Variants in OTOGL observed in about 807,000 individuals in gnomAD.
OTOGL encodes otogelin like, also known as otogelin-like protein.
A neutral mutation model predicts 318.5 loss-of-function variants in OTOGL; 285 were observed. The ratio of observed to expected loss-of-function variants is 0.89; its 90% CI spans 0.81 to 0.99. The LOEUF (loss-of-function observed/expected upper bound fraction) is 0.99. Ranked by LOEUF, OTOGL falls within the 50% of genes least tolerant of loss-of-function variation. OTOGL has a pLI of 0.00. For missense variants in OTOGL, 2,899 were observed against 2,845.6 expected (o/e 1.02, Z -0.43); for synonymous variants, 987 against 936.5 (o/e 1.05, Z -0.99).
intron 34 of OTOGL, among the ~76,000 whole-genome samples, chr12:80,322,047 T>C (rs1250014822): frequency 6.6e-6 from 1 of 152,182 alleles, no homozygotes; most frequent in African/African-American, 2.4e-5. Context: ...GACATCCTGT[T>C]GGGAATGGCA....
At chr12:80,191,096 T>C (rs1396201233) in intron 1 of OTOGL, among the ~76,000 whole-genome samples, 1 of 152,182 alleles carries the variant, frequency 6.6e-6, no homozygotes, top group Non-Finnish European at 1.5e-5. Flanking sequence ...AGATCAAACC[T>C]GGCCATATGA....
chr12:80,125,291 A>G (rs1180475018), intron 1 of OTOGL, among the ~76,000 whole-genome samples: 2 of 152,204 alleles, frequency 1.3e-5, no homozygotes, highest in Admixed American at 1.3e-4. Flanking sequence ...ATCTATTGAG[A>G]TAATCATGTG....
intron 48 of OTOGL, 121 bp from the exon 49 acceptor site, chr12:80,356,686 A>G (rs1889924521): frequency 3.2e-6 from 2 of 634,738 alleles, no homozygotes; most frequent in African/African-American, 1.9e-5. Context: ...ATATATGTAT[A>G]TATATATATG....
chr12:80,224,401 CT>C (rs977853970), intron 7 of OTOGL, among the ~76,000 whole-genome samples: 1 of 151,744 alleles, frequency 6.6e-6, no homozygotes, highest in South Asian at 2.1e-4. Flanking sequence ...GGCTATGTGG[CT>C]TTTTTGGTTC....
At chr12:80,280,810 T>G (rs1357303619) in intron 26 of OTOGL, among the ~76,000 whole-genome samples, 4 of 151,970 alleles carry the variant, frequency 2.6e-5, no homozygotes, top group African/African-American at 9.7e-5. Flanking sequence ...ACAATATCGA[T>G]TCTTCCTACT....
intron 36 of OTOGL, 111 bp from the exon 37 acceptor site, chr12:80,328,939 GC>G (rs1887887943): frequency 2.2e-5 from 24 of 1,106,178 alleles, no homozygotes; most frequent in Non-Finnish European, 3.1e-5. Context: ...CATCTCTCCT[GC>G]ATTCTTTTTC....
intron 1 of OTOGL, among the ~76,000 whole-genome samples, chr12:80,144,180 G>A (rs1383195845): frequency 1.3e-5 from 2 of 151,912 alleles, no homozygotes; most frequent in African/African-American, 4.8e-5. Flanking sequence ...AGCATTAGGT[G>A]TATCTCCCAA....
At position 80,219,843 on chromosome 12, in the gene OTOGL, G is replaced by A; in HGVS notation, c.265G>A (p.Ala89Thr). The change falls in exon 6 of 59, where the codon GCT (alanine) becomes ACT (threonine). Residue 89 changes from alanine (A) to threonine (T), a missense_variant. Ala to Thr is a moderately conservative substitution (Grantham distance 58). Around this residue, in one of 3 missense-constraint regions of OTOGL, gnomAD observed 2,607 missense variants for 2,524.9 expected, o/e 1.03. Coordinates refer to ENST00000547103, the MANE Select transcript of OTOGL (RefSeq NM_001378609.3). ...GSCPYECLNG[A>T]FCSKTGTCDC... is the part of the protein sequence containing the mutation. ...TTGTCCTTATGAATGCCTTAATGGA[G>A]CTTTCTGTTCTAAGACTGGAACATG... 1.3e-6 allele frequency: 2 copies of A among 1,591,422 alleles called. No homozygotes were observed. Among genetic ancestry groups the A allele is most frequent in the Non-Finnish European group, 1.7e-6 (2 of 1,174,508 alleles).
At chr12:80,358,427 T>TA in intron 50 of OTOGL, 78 bp downstream of exon 50, 1 of 1,180,366 alleles carries the variant, frequency 8.5e-7, no homozygotes, top group Non-Finnish European at 1.2e-6. Flanking sequence ...AGTTGGCTGT[T>TA]ACATCAGACC....
chr12:80,364,369 T>C (rs1040407130), intron 52 of OTOGL, among the ~76,000 whole-genome samples: 1 of 152,176 alleles, frequency 6.6e-6, no homozygotes, highest in African/African-American at 2.4e-5. Flanking sequence ...ACCTGAAAAA[T>C]GTATGTTAGG....
intron 11 of OTOGL, among the ~76,000 whole-genome samples, chr12:80,249,477 G>A (rs903765292): frequency 5.9e-5 from 9 of 151,332 alleles, no homozygotes; most frequent in Non-Finnish European, 7.4e-5. Flanking sequence ...TAGGCTGCTC[G>A]GGGGTCAGGG....
chr12:80,128,636 A>T (rs1353305264), intron 1 of OTOGL, among the ~76,000 whole-genome samples: 2 of 152,168 alleles, frequency 1.3e-5, no homozygotes, highest in Non-Finnish European at 2.9e-5. Context: ...CTGCCCACAG[A>T]GGTGGAGTCT....
chr12:80,353,538 T>A (rs369948420), intron 46 of OTOGL, 28 bp downstream of exon 46: 2 of 1,417,468 alleles, frequency 1.4e-6, no homozygotes, highest in African/African-American at 2.9e-5. Context: ...AAATGACTTC[T>A]CAGGAATCCG....
Position 80,341,943 on chromosome 12 carries a change from T to C in OTOGL, c.5051-5T>C. The C allele has an allele frequency of 6.3e-7, 1 of 1,586,296 alleles. No homozygotes were observed. Among genetic ancestry groups the C allele is most frequent in the East Asian group, 2.2e-5 (1 of 44,460 alleles). On this transcript the variant is annotated splice_region_variant and splice_polypyrimidine_tract_variant and intron_variant, in intron 43 of 58. Coordinates refer to ENST00000547103, the MANE Select transcript of OTOGL (RefSeq NM_001378609.3). ...TTTCTTCTAACTGTCATATATTCTTTCAAGGAATTTGCAATGAAGATCCGG... is the reference window on the plus strand; with the variant it reads ...TTTCTTCTAACTGTCATATATTCTTCCAAGGAATTTGCAATGAAGATCCGG...
chr12:80,157,101 T>G (rs140643808), intron 1 of OTOGL, among the ~76,000 whole-genome samples: 150 of 152,242 alleles, frequency 9.9e-4, no homozygotes, highest in African/African-American at 3.4e-3. Flanking sequence ...CGCCAGCATT[T>G]GTTATTGCTT....
rs1444400100 is a variant in OTOGL, at chr12:80,380,261, T to C, written c.*2213T>C. On this transcript the variant is annotated 3_prime_UTR_variant, in exon 59 of 59. Transcript: ENST00000547103. ...TCAGTATCCAGATACCCCAAATAAATGATTCATAGATTTAACAGTTAGAAA... is the reference window on the plus strand; with the variant it reads ...TCAGTATCCAGATACCCCAAATAAACGATTCATAGATTTAACAGTTAGAAA... The C allele has an allele frequency of 6.6e-6, 1 of 151,828 alleles. No individual in the cohort carries two copies. The highest frequency in any genetic ancestry group is 6.6e-5 in the Admixed American group (1 of 15,226). 9.4% of individuals were successfully genotyped at this position (151,828 alleles called of 1,614,324 possible). A position where few individuals can be genotyped will look rare whatever the true frequency, so the allele number is the denominator to read the frequency against.
chr12:80,356,185 T>C (rs1426602327), intron 47 of OTOGL, among the ~76,000 whole-genome samples: 1 of 152,184 alleles, frequency 6.6e-6, no homozygotes, highest in Non-Finnish European at 1.5e-5. Context: ...AAATCTTTGA[T>C]GTATGAATCA....
In OTOGL at chr12:80,302,684, G is replaced by T; in HGVS notation, c.3114G>T (p.Lys1038Asn). The T allele has an allele frequency of 2.8e-6, 4 of 1,429,832 alleles. No individual in the cohort carries two copies. The highest frequency in any genetic ancestry group is 2.5e-5 in the East Asian group (1 of 39,290). 88.6% of individuals were successfully genotyped at this position (1,429,832 alleles called of 1,614,324 possible). ...LENKSTYQLWKAGYYIVVYFP... is the reference protein window; with the variant it reads ...LENKSTYQLWNAGYYIVVYFP... The stretch of plus-strand genomic sequence containing the variant: ...ACAAATCTACCTACCAGCTTTGGAA[G>T]GCTGGTTACTATATAGTAGTATACT... Residue 1038 changes from lysine to asparagine, a missense_variant, in exon 28 of 59, where the codon AAG (lysine) becomes AAT (asparagine). Lys to Asn is a moderately conservative substitution (Grantham distance 94, BLOSUM62 0). This residue lies in a region of OTOGL where 2,607 missense variants were observed against 2,524.9 expected (regional missense o/e 1.03). Coordinates refer to ENST00000547103, the MANE Select transcript of OTOGL (RefSeq NM_001378609.3).
At chr12:80,333,929 A>C (rs1349435) in intron 38 of OTOGL, among the ~76,000 whole-genome samples, 2 of 152,018 alleles carry the variant, frequency 1.3e-5, no homozygotes, top group South Asian at 2.1e-4. Context: ...TAAGTAATAA[A>C]GGAATAAAAT....
Sources: allele counts gnomAD v4.1 joint callset (sites outside exome capture counted in the v4.1 genomes callset), GRCh38; gene constraint gnomAD v4.1.1; regional missense constraint gnomAD v4.1.1; transcripts MANE v1.5; gene names NCBI Gene and HGNC (gene_info 2026-07-23, HGNC 2026-07-21).